Variants in CAND1 observed in about 807,000 individuals in gnomAD.
CAND1 encodes cullin associated and neddylation dissociated 1.
A neutral mutation model predicts 108.5 loss-of-function variants in CAND1; 7 were observed. The ratio of observed to expected loss-of-function variants is 0.06; its 90% CI spans 0.04 to 0.12. The LOEUF is 0.12. Among genes scored for constraint, CAND1 ranks in the 10% least tolerant of loss-of-function variants. The pLI, the probability that CAND1 is intolerant of heterozygous loss-of-function variation, is 1.00. For synonymous variants in CAND1, 534 were observed against 512.0 expected, an observed-to-expected ratio of 1.04 and a Z score of -0.58; for missense variants, 941 against 1,448.7, an observed-to-expected ratio of 0.65 and a Z score of 5.69.
At chr12:67,276,104 C>T (rs1309977934) in intron 1 of CAND1, among the ~76,000 whole-genome samples, 1 of 152,164 alleles carries the variant, frequency 6.6e-6, no homozygotes, top group Non-Finnish European at 1.5e-5. Context: ...AGGCCTCTTC[C>T]TAACCCAGTT....
chr12:67,290,308 C>T (rs1026818792), intron 2 of CAND1, among the ~76,000 whole-genome samples: 12 of 152,024 alleles, frequency 7.9e-5, no homozygotes, highest in African/African-American at 1.4e-4. Context: ...GTCAGGAGTT[C>T]GAGACCAGCC....
rs528724120 is a variant in CAND1 at position 67,280,846 on chromosome 12, A to G, written c.69-1064A>G. Among the ~76,000 whole-genome samples the G allele has an allele frequency of 4.5e-4, 62 of 137,626 alleles. 1 individual carries two copies. The highest frequency in any genetic ancestry group is 2.0e-3 in the African/African-American group (56 of 27,786). The allele number at this position is 137,626 out of a possible 152,430, so 90.3% of individuals were successfully genotyped here. Reference sequence around the variant, plus strand: ...ACTCTGGGTTTTTGCCAGGCAACACACTGTTAAACCTTCCTTTGGCAGTGG... The same window carrying G: ...ACTCTGGGTTTTTGCCAGGCAACACGCTGTTAAACCTTCCTTTGGCAGTGG... On this transcript the variant is annotated intron_variant, in intron 1 of 14. Coordinates refer to ENST00000545606, the MANE Select transcript of CAND1 (RefSeq NM_018448.5).
rs1395815979 is a variant in CAND1 at position 67,269,395 on chromosome 12, C to G, written c.-323C>G. On this transcript the variant is annotated 5_prime_UTR_variant, in exon 1 of 15. Transcript: ENST00000545606. The stretch of plus-strand genomic sequence containing the variant: ...GGAGCGAGTGCGGAGCGAGTGGGAG[C>G]GAGACGGCCCTGAGTGGAAGTGTCT... 2.9e-6 allele frequency: 1 copy of G among 348,634 alleles called. No homozygotes were observed. Among genetic ancestry groups the G allele is most frequent in the African/African-American group, 2.2e-5 (1 of 45,320 alleles). 21.6% of individuals were successfully genotyped at this position (348,634 alleles called of 1,614,324 possible).
chr12:67,273,169 T>C (rs1423310159), intron 1 of CAND1, among the ~76,000 whole-genome samples: 1 of 152,168 alleles, frequency 6.6e-6, no homozygotes, highest in East Asian at 1.9e-4. Flanking sequence ...AGAAGAAAAA[T>C]GAAGAAACAT....
At chr12:67,271,186 G>A (rs970327605) in intron 1 of CAND1, among the ~76,000 whole-genome samples, 1 of 152,174 alleles carries the variant, frequency 6.6e-6, no homozygotes, top group African/African-American at 2.4e-5. Flanking sequence ...TTTTGGAGGT[G>A]ACATGTTTGT....
At chr12:67,300,116 A>G (rs1399764069) in intron 7 of CAND1, among the ~76,000 whole-genome samples, 5 of 152,088 alleles carry the variant, frequency 3.3e-5, no homozygotes, top group East Asian at 1.9e-4. Context: ...GACTCTGCCT[A>G]TCGTATTACT....
At position 67,316,090 on chromosome 12, in the gene CAND1, G is replaced by A. The variant is rs1351347681; in HGVS notation, c.*3260G>A. The A allele has an allele frequency of 6.6e-6, 1 of 152,010 alleles. No homozygotes were observed. Among genetic ancestry groups the A allele is most frequent in the Admixed American group, 6.6e-5 (1 of 15,264 alleles). 9.4% of individuals were successfully genotyped at this position (152,010 alleles called of 1,614,324 possible). A position where few individuals can be genotyped will look rare whatever the true frequency, so the allele number is the denominator to read the frequency against. On this transcript the variant is annotated 3_prime_UTR_variant, in exon 15 of 15. Transcript: ENST00000545606. The stretch of plus-strand genomic sequence containing the variant: ...TTAAACATTTCAGCAAGTAAATTTT[G>A]GATTCTAGCTCTGTTTTAAATTGAA...
At chr12:67,295,495 G>T (rs1238454142) in intron 4 of CAND1, among the ~76,000 whole-genome samples, 1 of 152,032 alleles carries the variant, frequency 6.6e-6, no homozygotes, top group Admixed American at 6.6e-5. Context: ...TGGTAGTTAC[G>T]GATTTTCCGG....
chr12:67,317,256 C>G lies in CAND1; in HGVS notation c.*4426C>G, dbSNP rs1259389356. 6.6e-6 allele frequency: 1 copy of G among 152,294 alleles called. No individual in the cohort carries two copies. The highest frequency in any genetic ancestry group is 1.5e-5 in the Non-Finnish European group (1 of 68,212). 9.4% of individuals were successfully genotyped at this position (152,294 alleles called of 1,614,324 possible). A position where few individuals can be genotyped will look rare whatever the true frequency, so the allele number is the denominator to read the frequency against. ...GCACAAGTGATTCTCCCACCTCAGC[C>G]TCCCGAGTAGCTGGGAGTATAGGTG... On this transcript the variant is annotated 3_prime_UTR_variant, in exon 15 of 15. Coordinates refer to ENST00000545606, the MANE Select transcript of CAND1 (RefSeq NM_018448.5).
chr12:67,289,130 CTTG>C (rs1431781170), intron 2 of CAND1, among the ~76,000 whole-genome samples: 1 of 151,842 alleles, frequency 6.6e-6, no homozygotes, highest in African/African-American at 2.4e-5. Flanking sequence ...GTAGTTAAGT[CTTG>C]TTTTTTCTTT....
rs2045029057 is a variant in CAND1, at chr12:67,318,365, A to C, written c.*5535A>C. 1 of 152,248 alleles carries C rather than the reference A, an allele frequency of 6.6e-6. No individual in the cohort carries two copies. The highest frequency in any genetic ancestry group is 1.5e-5 in the Non-Finnish European group (1 of 68,036). 9.4% of individuals were successfully genotyped at this position (152,248 alleles called of 1,614,324 possible). On this transcript the variant is annotated 3_prime_UTR_variant, in exon 15 of 15. Transcript: ENST00000545606. The stretch of plus-strand genomic sequence containing the variant: ...GGCTGTTAGCTGTTAGACTTGGGCA[A>C]ATAATTTAACCTCAACTTTCCCTAT...
chr12:67,280,992 A>G (rs1053861255), intron 1 of CAND1, among the ~76,000 whole-genome samples: 45 of 152,156 alleles, frequency 3.0e-4, no homozygotes, highest in Non-Finnish European at 5.4e-4. Context: ...TGTAATCCCA[A>G]CACTGTGGGA....
At position 67,315,656 on chromosome 12, in the gene CAND1, A is replaced by C. The variant is rs141196587; in HGVS notation, c.*2826A>C. 1 of 149,578 alleles carries C rather than the reference A, an allele frequency of 6.7e-6. No homozygotes were observed. The highest frequency in any genetic ancestry group is 2.6e-5 in the African/African-American group (1 of 39,036). 9.3% of individuals were successfully genotyped at this position (149,578 alleles called of 1,614,324 possible). A position where few individuals can be genotyped will look rare whatever the true frequency, so the allele number is the denominator to read the frequency against. ...TGATGATTTCATCAAATGTTTGAAT[A>C]TTTACATAATTTTTATGTAACCATA... On this transcript the variant is annotated 3_prime_UTR_variant, in exon 15 of 15. Coordinates refer to ENST00000545606, the MANE Select transcript of CAND1 (RefSeq NM_018448.5).
chr12:67,284,705 T>TGC (rs2044651737), intron 2 of CAND1, among the ~76,000 whole-genome samples: 1 of 113,168 alleles, frequency 8.8e-6, no homozygotes, highest in Admixed American at 9.1e-5. Context: ...CACATGCATG[T>TGC]ACACACACAC....
chr12:67,302,555 G>C lies in CAND1; in HGVS notation c.1233G>C (p.Trp411Cys), dbSNP rs745708764. 3.1e-6 allele frequency: 5 copies of C among 1,614,152 alleles called. No individual in the cohort carries two copies. Among genetic ancestry groups the C allele is most frequent in the Non-Finnish European group, 3.4e-6 (4 of 1,179,990 alleles). The change falls in exon 8 of 15, where the codon TGG becomes TGC. Residue 411 changes from tryptophan (W) to cysteine (C), a missense_variant. This residue lies in a region of CAND1 where 697 missense variants were observed against 942.0 expected (regional missense o/e 0.74). Coordinates refer to ENST00000545606, the MANE Select transcript of CAND1 (RefSeq NM_018448.5). ...LLKQTRPVQS[W>C]LCDPDAMEQG... ...AGCAAACTCGTCCTGTACAAAGTTG[G>C]CTATGTGACCCTGATGCAATGGAGC...
rs1181815566 is a variant in CAND1 at position 67,314,190 on chromosome 12, T to C, written c.*1360T>C. The C allele has an allele frequency of 2.0e-5, 3 of 152,188 alleles. No homozygotes were observed. Among genetic ancestry groups the C allele is most frequent in the South Asian group, 2.1e-4 (1 of 4,832 alleles). 9.4% of individuals were successfully genotyped at this position (152,188 alleles called of 1,614,324 possible). A position where few individuals can be genotyped will look rare whatever the true frequency, so the allele number is the denominator to read the frequency against. On this transcript the variant is annotated 3_prime_UTR_variant, in exon 15 of 15. Coordinates refer to ENST00000545606, the MANE Select transcript of CAND1 (RefSeq NM_018448.5). ...TGTATTGAAGGAGGCAGTTGTTAAATTGAGTGACCAATTTAAGCAATCAGA... is the reference window on the plus strand; with the variant it reads ...TGTATTGAAGGAGGCAGTTGTTAAACTGAGTGACCAATTTAAGCAATCAGA...
chr12:67,304,707 C>G lies in CAND1; in HGVS notation c.1396C>G (p.Pro466Ala). The change falls in exon 9 of 15, where the codon CCT becomes GCT. Residue 466 changes from proline (P) to alanine (A), a missense_variant. Coordinates refer to ENST00000545606, the MANE Select transcript of CAND1 (RefSeq NM_018448.5). ...GTTAACTGAGCTGGTAAATGTATTA[C>G]CTGGGGCCCTAACTCAACACATTCC... ...NMLTELVNVL[P>A]GALTQHIPVL... 2 of 1,613,822 alleles carry G rather than the reference C, an allele frequency of 1.2e-6. No individual in the cohort carries two copies. The highest frequency in any genetic ancestry group is 1.7e-6 in the Non-Finnish European group (2 of 1,179,874).
intron 2 of CAND1, among the ~76,000 whole-genome samples, chr12:67,287,180 C>T (rs866707058): frequency 6.6e-6 from 1 of 152,192 alleles, no homozygotes; most frequent in African/African-American, 2.4e-5. Flanking sequence ...ATTCCCACCT[C>T]TCCCAATTGT....
At chr12:67,272,426 A>G (rs762348435) in intron 1 of CAND1, among the ~76,000 whole-genome samples, 30 of 152,246 alleles carry the variant, frequency 2.0e-4, no homozygotes, top group Admixed American at 1.9e-3. Flanking sequence ...GTCTATTTAT[A>G]TAATTACATA....
Sources: gnomAD v4.1 joint callset for allele counts (sites outside exome capture counted in the v4.1 genomes callset) on GRCh38, gnomAD v4.1.1 for gene constraint, gnomAD v4.1.1 regional missense constraint, MANE v1.5 for transcripts, NCBI Gene and HGNC (gene_info 2026-07-23, HGNC 2026-07-21) for gene names.